The following POM121 variants were observed in gnomAD, a reference collection of about 807,000 sequenced individuals.
POM121 encodes POM121 transmembrane nucleoporin, also known as nuclear envelope pore membrane protein POM 121.
Under a neutral mutation model 81.3 loss-of-function variants are expected in POM121, and 32 were observed. That is an observed-to-expected ratio of 0.39 (90% CI 0.30 to 0.53). The LOEUF is 0.53. Among genes scored for constraint, POM121 ranks in the 20% least tolerant of loss-of-function variants. The pLI is 0.66. For synonymous variants in POM121, 514 were observed against 694.2 expected (o/e 0.74, Z 4.08); for missense variants, 1,138 against 1,614.6 (o/e 0.70, Z 5.06).
Position 72,943,195 on chromosome 7 carries a change from G to T in POM121, c.3202G>T (p.Ala1068Ser). The T allele has an allele frequency of 6.2e-7, 1 of 1,613,260 alleles. No individual in the cohort carries two copies. The highest frequency in any genetic ancestry group is 8.5e-7 in the Non-Finnish European group (1 of 1,179,824). ...GGSTAVFFGA[A>S]TSSGFGATTQ... Reference sequence around the variant, plus strand: ...CTCCACTGCTGTCTTCTTCGGTGCAGCCACCAGCTCCGGCTTTGGAGCCAC... The same window carrying T: ...CTCCACTGCTGTCTTCTTCGGTGCATCCACCAGCTCCGGCTTTGGAGCCAC... The change falls in exon 11 of 13, where the codon GCC (alanine) becomes TCC (serine). Residue 1068 changes from alanine to serine, a missense_variant. This residue lies in a region of POM121 where 336 missense variants were observed against 344.3 expected (regional missense o/e 0.98). Transcript: ENST00000434423.
At chr7:72,938,172 GCA>G (rs1796697559) in intron 5 of POM121, among the ~76,000 whole-genome samples, 1 of 151,152 alleles carries the variant, frequency 6.6e-6, no homozygotes, top group Non-Finnish European at 1.5e-5. Flanking sequence ...ATTAATACTG[GCA>G]GTTGACTTTC....
At chr7:72,949,446 C>T (rs782655383), downstream of POM121, 3 of 1,582,160 alleles carry the variant, frequency 1.9e-6, no homozygotes, top group Non-Finnish European at 2.6e-6. Flanking sequence ...GCAGCGTGGC[C>T]ATGGATGCCA....
chr7:72,879,849 G>A (rs1789951635), exon 1 of POM121: 1 of 512,014 alleles, frequency 2.0e-6, no homozygotes, highest in Non-Finnish European at 3.9e-6. Flanking sequence ...CCGGCCTCTC[G>A]GGAGCCGTGG....
intron 4 of POM121, among the ~76,000 whole-genome samples, chr7:72,918,393 G>T (rs1794492819): frequency 6.6e-6 from 1 of 152,180 alleles, no homozygotes. Context: ...TGGTGGCCGT[G>T]TCTGGGCATA....
intron 11 of POM121, among the ~76,000 whole-genome samples, chr7:72,945,233 G>T (rs1797556823): frequency 6.6e-6 from 1 of 152,270 alleles, no homozygotes; most frequent in African/African-American, 2.4e-5. Flanking sequence ...CGGTGGCTGG[G>T]GGAAAAGGCC....
At chr7:72,909,094 A>G (rs1210520060) in intron 3 of POM121, among the ~76,000 whole-genome samples, 1 of 152,226 alleles carries the variant, frequency 6.6e-6, no homozygotes, top group African/African-American at 2.4e-5. Context: ...GAAATTATAA[A>G]AGTATTAATT....
At chr7:72,949,725 C>T (rs376627867), downstream of POM121, 1,824 of 750,330 alleles carry the variant, frequency 2.4e-3, 18 homozygotes, top group South Asian at 7.2e-3. Flanking sequence ...GGGGCAAATA[C>T]CGTGAACTAC....
At chr7:72,903,323 G>C (rs1479226402) in intron 3 of POM121, among the ~76,000 whole-genome samples, 1 of 152,096 alleles carries the variant, frequency 6.6e-6, no homozygotes, top group Non-Finnish European at 1.5e-5. Context: ...TATAATCCCA[G>C]CTATTTGGGA....
chr7:72,941,271 C>G (rs542451135), intron 10 of POM121, among the ~76,000 whole-genome samples: 30 of 152,314 alleles, frequency 2.0e-4, no homozygotes, highest in African/African-American at 7.0e-4. Context: ...CTTCCCTGTG[C>G]GGCACCTCTG....
chr7:72,925,030 G>T, upstream of POM121: 1 of 1,331,060 alleles, frequency 7.5e-7, no homozygotes. Context: ...TCCCGGAGTC[G>T]CGCGCGCATG....
intron 3 of POM121, among the ~76,000 whole-genome samples, chr7:72,904,319 A>G (rs1793018912): frequency 1.3e-5 from 2 of 152,190 alleles, no homozygotes; most frequent in Admixed American, 6.5e-5. Context: ...AACTTCTCCC[A>G]TGCTGTTAGC....
At chr7:72,927,136 T>C (rs1447333031) in intron 3 of POM121, among the ~76,000 whole-genome samples, 173 bp downstream of exon 3, 1 of 152,216 alleles carries the variant, frequency 6.6e-6, no homozygotes, top group Non-Finnish European at 1.5e-5. Context: ...GCTGCTCTTT[T>C]CAAGGCACAG....
At chr7:72,920,345 CTTT>C (rs781909518), upstream of POM121, among the ~76,000 whole-genome samples, 2 of 112,536 alleles carry the variant, frequency 1.8e-5, no homozygotes, top group Non-Finnish European at 3.7e-5. Flanking sequence ...GAGTAATGGT[CTTT>C]TTTTTTTTTT....
chr7:72,939,226 G>T (rs1796821921), intron 6 of POM121, 110 bp from the exon 7 acceptor site: 2 of 1,423,386 alleles, frequency 1.4e-6, no homozygotes, highest in South Asian at 2.7e-5. Flanking sequence ...GATCTTAAAT[G>T]ATGGTTGTTT....
chr7:72,933,469 T>G (rs1796219469), intron 5 of POM121, among the ~76,000 whole-genome samples: 1 of 152,232 alleles, frequency 6.6e-6, no homozygotes, highest in African/African-American at 2.4e-5. Flanking sequence ...CCTTTACCCA[T>G]TTTTCTGAAG....
chr7:72,950,291 C>G, downstream of POM121: 2 of 1,061,642 alleles, frequency 1.9e-6, no homozygotes, highest in Non-Finnish European at 2.7e-6. Flanking sequence ...GTTACCACAG[C>G]TATGGAGAAA....
intron 5 of POM121, among the ~76,000 whole-genome samples, chr7:72,930,901 CTCTTTT>C (rs1281263434): frequency 1.3e-5 from 2 of 152,232 alleles, no homozygotes; most frequent in East Asian, 3.9e-4. Flanking sequence ...CACATAACAT[CTCTTTT>C]TCTTATCTCT....
rs1554497509 is a variant in POM121, at chr7:72,926,428, G to A, written c.811G>A (p.Val271Met). The change falls in exon 2 of 13, where the codon GTG becomes ATG. Residue 271 changes from valine to methionine, a missense_variant. Val to Met is a conservative substitution (Grantham distance 21, BLOSUM62 1). Around this residue, in one of 7 missense-constraint regions of POM121, gnomAD observed 646 missense variants for 633.5 expected, o/e 1.02. Coordinates refer to ENST00000434423, the MANE Select transcript of POM121 (RefSeq NM_001387691.1). ...CAACTCCAGGATGGTGTGTAGCCCA[G>A]TGACTGTGAGGATCGCCCCTCCTGA... is the stretch of plus-strand genomic sequence containing the variant. ...PRNSRMVCSP[V>M]TVRIAPPDRR... 20 of 1,613,890 alleles carry A rather than the reference G, an allele frequency of 1.2e-5. No homozygotes were observed. The highest frequency in any genetic ancestry group is 8.5e-6 in the Non-Finnish European group (10 of 1,179,886).
chr7:72,894,642 AGAGAG>A (rs1791713581), intron 3 of POM121, among the ~76,000 whole-genome samples: 1 of 105,930 alleles, frequency 9.4e-6, no homozygotes, highest in Non-Finnish European at 1.8e-5. Flanking sequence ...AGAGAGAGAG[AGAGAG>A]AGAGAGAGAG....
Sources: gnomAD v4.1 joint callset for allele counts (sites outside exome capture counted in the v4.1 genomes callset) on GRCh38, gnomAD v4.1.1 for gene constraint, gnomAD v4.1.1 regional missense constraint, MANE v1.5 for transcripts, NCBI Gene and HGNC (gene_info 2026-07-23, HGNC 2026-07-21) for gene names.